RSU1: variants seen among roughly 807,000 people sequenced by gnomAD.
RSU1 encodes rsu-1.
Under a neutral mutation model 31.1 loss-of-function variants are expected in RSU1, and 26 were observed. That is an observed-to-expected ratio of 0.84 (90% confidence interval 0.61 to 1.16). RSU1 has a LOEUF of 1.16. Ranked by LOEUF, RSU1 falls within the 50% of genes most tolerant of loss-of-function variation. RSU1 has a pLI of 0.00. For synonymous variants in RSU1, 164 were observed against 136.3 expected, an observed-to-expected ratio of 1.20 and a Z score of -1.41; for missense variants, 320 against 339.1, an observed-to-expected ratio of 0.94 and a Z score of 0.44.
intron 8 of RSU1, among the ~76,000 whole-genome samples, chr10:16,598,014 C>T (rs572113072): frequency 6.6e-6 from 1 of 152,228 alleles, no homozygotes; most frequent in Non-Finnish European, 1.5e-5. Context: ...TCTGGTGTTC[C>T]ATTCCTGGCT....
intron 3 of RSU1, among the ~76,000 whole-genome samples, chr10:16,771,123 C>T (rs1837417751): frequency 6.6e-6 from 1 of 152,006 alleles, no homozygotes; most frequent in Non-Finnish European, 1.5e-5. Flanking sequence ...ATTTAGATAA[C>T]TTAGTATGTT....
chr10:16,782,851 T>C (rs1327087481), intron 2 of RSU1, among the ~76,000 whole-genome samples: 6 of 151,284 alleles, frequency 4.0e-5, no homozygotes, highest in Admixed American at 2.6e-4. Flanking sequence ...CTTTACTGTA[T>C]GTGTCAGCAT....
intron 3 of RSU1, among the ~76,000 whole-genome samples, chr10:16,767,022 C>CAAAAA (rs111562696): frequency 2.0e-5 from 2 of 101,800 alleles, no homozygotes; most frequent in African/African-American, 3.1e-5. Context: ...ACTCTATGTC[C>CAAAAA]AAAAAAAAAA....
chr10:16,640,559 T>G (rs961679933), intron 8 of RSU1, among the ~76,000 whole-genome samples: 1 of 152,236 alleles, frequency 6.6e-6, no homozygotes, highest in Non-Finnish European at 1.5e-5. Context: ...AGCCCCTGCT[T>G]GCATTCTGAC....
At chr10:16,695,278 T>A (rs1835653292) in intron 7 of RSU1, 123 bp from the exon 8 acceptor site, 5 of 890,172 alleles carry the variant, frequency 5.6e-6, no homozygotes, top group Non-Finnish European at 6.5e-6. Flanking sequence ...CTTGGATCAT[T>A]TGATGTCTTT....
At position 16,695,014 on chromosome 10, in the gene RSU1, T is replaced by TCTAC. The variant is rs1453709188; in HGVS notation, c.731+5_731+8dup. On this transcript the variant is annotated intron_variant, in intron 8 of 8. Coordinates refer to ENST00000345264, the MANE Select transcript of RSU1 (RefSeq NM_012425.4). ...AGTCTACTATTTCAGAAAATCAGAG[T>TCTAC]CTACTTACTATTTGTATGTCTCAGA... 9 of 1,601,542 alleles carry TCTAC rather than the reference T, an allele frequency of 5.6e-6. No individual in the cohort carries two copies. Among genetic ancestry groups the TCTAC allele is most frequent in the Non-Finnish European group, 7.7e-6 (9 of 1,175,304 alleles).
At chr10:16,641,610 G>T (rs186688059) in intron 8 of RSU1, among the ~76,000 whole-genome samples, 1 of 152,300 alleles carries the variant, frequency 6.6e-6, no homozygotes, top group East Asian at 1.9e-4. Flanking sequence ...GCTTGGGTGG[G>T]CCCATTAATG....
At chr10:16,732,793 TG>T (rs777490425) in intron 7 of RSU1, among the ~76,000 whole-genome samples, 3 of 152,218 alleles carry the variant, frequency 2.0e-5, no homozygotes, top group East Asian at 3.8e-4. Context: ...GAAACAGAAC[TG>T]GGTCATACCT....
intron 4 of RSU1, among the ~76,000 whole-genome samples, chr10:16,762,658 A>T (rs1414351159): frequency 6.6e-6 from 1 of 152,182 alleles, no homozygotes; most frequent in African/African-American, 2.4e-5. Context: ...AATGTGTCTG[A>T]CCAAATTCCT....
chr10:16,758,340 T>C (rs1328740768), intron 4 of RSU1, among the ~76,000 whole-genome samples: 1 of 152,220 alleles, frequency 6.6e-6, no homozygotes, highest in African/African-American at 2.4e-5. Flanking sequence ...ACATGCTGGC[T>C]GTCCCCCCTC....
chr10:16,781,999 G>A (rs751932530), intron 3 of RSU1, 35 bp downstream of exon 3: 4 of 1,590,952 alleles, frequency 2.5e-6, no homozygotes, highest in African/African-American at 1.3e-5. Context: ...TTACCTAAAT[G>A]TCAGAAACTG....
intron 8 of RSU1, among the ~76,000 whole-genome samples, chr10:16,596,637 C>G (rs1467551270): frequency 6.6e-6 from 1 of 152,216 alleles, no homozygotes; most frequent in Non-Finnish European, 1.5e-5. Flanking sequence ...AGAGATCTTT[C>G]CTCTGTTTCC....
chr10:16,677,631 T>G (rs754109265), intron 8 of RSU1, among the ~76,000 whole-genome samples: 1 of 152,130 alleles, frequency 6.6e-6, no homozygotes, highest in Non-Finnish European at 1.5e-5. Flanking sequence ...TTCCAAAAAT[T>G]TATAGAGAAT....
chr10:16,610,920 A>G (rs897383495), intron 8 of RSU1, among the ~76,000 whole-genome samples: 1 of 152,184 alleles, frequency 6.6e-6, no homozygotes, highest in African/African-American at 2.4e-5. Flanking sequence ...GATTTTCCCA[A>G]TGTCCTTATT....
intron 8 of RSU1, among the ~76,000 whole-genome samples, chr10:16,631,459 C>T (rs1291867855): frequency 2.0e-5 from 3 of 152,088 alleles, no homozygotes; most frequent in South Asian, 2.1e-4. Context: ...AGGGGAAACA[C>T]GGCGTGACTT....
intron 7 of RSU1, among the ~76,000 whole-genome samples, chr10:16,747,978 G>A (rs1836891083): frequency 6.6e-6 from 1 of 152,214 alleles, no homozygotes; most frequent in South Asian, 2.1e-4. Flanking sequence ...AAGCTGCAGT[G>A]AGCTATGATT....
chr10:16,674,063 G>C (rs1034024678), intron 8 of RSU1, among the ~76,000 whole-genome samples: 1 of 152,162 alleles, frequency 6.6e-6, no homozygotes, highest in Non-Finnish European at 1.5e-5. Flanking sequence ...GTGTCTGTTA[G>C]GGGATGGGAG....
intron 8 of RSU1, among the ~76,000 whole-genome samples, chr10:16,600,570 G>T (rs573768891): frequency 2.0e-5 from 3 of 149,666 alleles, no homozygotes; most frequent in African/African-American, 7.4e-5. Context: ...TTTTTTTTAG[G>T]GGGGGGTGGT....
chr10:16,663,724 C>T (rs566487290), intron 8 of RSU1, among the ~76,000 whole-genome samples: 42 of 152,296 alleles, frequency 2.8e-4, no homozygotes, highest in Admixed American at 2.0e-3. Flanking sequence ...AGAAGGAGGA[C>T]TCTGCTCTGC....
Sources: allele counts gnomAD v4.1 joint callset (sites outside exome capture counted in the v4.1 genomes callset), GRCh38; gene constraint gnomAD v4.1.1; transcripts MANE v1.5; gene names NCBI Gene and HGNC (gene_info 2026-07-23, HGNC 2026-07-21).